The following RABGAP1L variants were observed in gnomAD, a reference collection of about 807,000 sequenced individuals.
The protein encoded by RABGAP1L is RAB GTPase activating protein 1 like, also known as rab GTPase-activating protein 1-like.
RABGAP1L carries 63 observed loss-of-function variants against 137.7 expected under a neutral mutation model. The observed-to-expected ratio is 0.46, with a 90% CI of 0.37 to 0.56. RABGAP1L has a LOEUF of 0.56. RABGAP1L is among the 20% of genes least tolerant of loss of function. RABGAP1L has a pLI of 0.00. For missense variants in RABGAP1L, 1,095 were observed against 1,244.0 expected (o/e 0.88, Z 1.80); for synonymous variants, 431 against 433.7 (o/e 0.99, Z 0.08).
At chr1:174,343,839 C>T (rs913127023) in intron 11 of RABGAP1L, among the ~76,000 whole-genome samples, 3 of 152,094 alleles carry the variant, frequency 2.0e-5, no homozygotes, top group Non-Finnish European at 4.4e-5. Flanking sequence ...TATAGATTTA[C>T]AGATCAAAAT....
At chr1:174,743,182 A>C (rs2148656928) in intron 17 of RABGAP1L, among the ~76,000 whole-genome samples, 1 of 152,354 alleles carries the variant, frequency 6.6e-6, no homozygotes, top group East Asian at 1.9e-4. Context: ...CTAGGGACTT[A>C]TATAGCAGGG....
In RABGAP1L at chr1:174,862,162, G is replaced by C. The variant is rs994956680; in HGVS notation, c.2340+50202G>C. On this transcript the variant is annotated intron_variant, in intron 19 of 25. Transcript: ENST00000681986. ...CCAGTTTCATTCTCTTGCATGTGGAGATCCAGTTTTTCCAGCACCGTTTAT... is the reference window on the plus strand; with the variant it reads ...CCAGTTTCATTCTCTTGCATGTGGACATCCAGTTTTTCCAGCACCGTTTAT... Among the ~76,000 whole-genome samples the C allele has an allele frequency of 9.2e-5, 14 of 152,138 alleles. No homozygotes were observed. In the East Asian group the frequency reaches 2.5e-3, roughly 27 times the overall value.
chr1:174,651,218 G>C (rs377357093), intron 14 of RABGAP1L, among the ~76,000 whole-genome samples: 3 of 151,610 alleles, frequency 2.0e-5, no homozygotes, highest in African/African-American at 7.3e-5. Flanking sequence ...TATAATTTCT[G>C]TTCTTTTACA....
At chr1:174,877,608 A>T (rs758996594) in intron 19 of RABGAP1L, 15 of 1,612,354 alleles carry the variant, frequency 9.3e-6, no homozygotes, top group Non-Finnish European at 1.3e-5. Context: ...GGTCTATGGT[A>T]GGTGGTGCCT....
At chr1:174,606,959 TA>T (rs1449234036) in intron 13 of RABGAP1L, among the ~76,000 whole-genome samples, 1 of 152,182 alleles carries the variant, frequency 6.6e-6, no homozygotes, top group African/African-American at 2.4e-5. Flanking sequence ...TAATCAAGAA[TA>T]AAACCCAAGT....
Position 174,607,841 on chromosome 1 carries a change from G to A in RABGAP1L, c.1711-29534G>A, listed in dbSNP as rs180989486. Among the ~76,000 whole-genome samples, 23 of 152,318 alleles carry A rather than the reference G, an allele frequency of 1.5e-4. No homozygotes were observed. In the East Asian group the frequency reaches 4.4e-3, roughly 29 times the overall value. ...CAAAATGTGTGTTTTAGAAACCTGT[G>A]TAAAAGCTTCTTTGGTTATTCTTTC... is the stretch of plus-strand genomic sequence containing the variant. On this transcript the variant is annotated intron_variant, in intron 13 of 25. Coordinates refer to ENST00000681986, the MANE Select transcript of RABGAP1L (RefSeq NM_001366446.1).
chr1:174,238,916 C>G (rs1457730531), intron 4 of RABGAP1L: 2 of 164,108 alleles, frequency 1.2e-5, no homozygotes, highest in African/African-American at 4.8e-5. Context: ...TAGCAATCAG[C>G]GAGATTCCGT....
intron 18 of RABGAP1L, among the ~76,000 whole-genome samples, chr1:174,769,613 C>G (rs1685952192): frequency 6.6e-6 from 1 of 152,054 alleles, no homozygotes; most frequent in African/African-American, 2.4e-5. Flanking sequence ...CTAAATGTTT[C>G]CCAAAGTTAG....
intron 7 of RABGAP1L, among the ~76,000 whole-genome samples, chr1:174,264,723 T>G (rs1369171120): frequency 6.6e-6 from 1 of 151,942 alleles, no homozygotes; most frequent in Non-Finnish European, 1.5e-5. Context: ...TTAAATCATA[T>G]TAGTTCTACT....
intron 17 of RABGAP1L, among the ~76,000 whole-genome samples, chr1:174,733,885 T>A (rs1682716795): frequency 6.6e-6 from 1 of 152,130 alleles, no homozygotes; most frequent in Admixed American, 6.6e-5. Context: ...GTTGTGTTAA[T>A]CCAGATCAGG....
At chr1:174,554,189 A>G (rs995387521) in intron 13 of RABGAP1L, among the ~76,000 whole-genome samples, 42 of 152,216 alleles carry the variant, frequency 2.8e-4, no homozygotes, top group African/African-American at 9.4e-4. Context: ...TTTTTCAAAT[A>G]TAAGTACTTT....
At chr1:174,796,971 C>T (rs1173411678) in intron 18 of RABGAP1L, among the ~76,000 whole-genome samples, 3 of 150,830 alleles carry the variant, frequency 2.0e-5, no homozygotes. Flanking sequence ...CACGCCACTG[C>T]ATTCCAGCCT....
In RABGAP1L at chr1:174,610,564, A is replaced by G. The variant is rs550238428; in HGVS notation, c.1711-26811A>G. Among the ~76,000 whole-genome samples the G allele has an allele frequency of 2.2e-4, 33 of 152,240 alleles. No individual in the cohort carries two copies. In the East Asian group the frequency reaches 6.4e-3, roughly 29 times the overall value. On this transcript the variant is annotated intron_variant, in intron 13 of 25. Transcript: ENST00000681986. ...GCATGATTTATAGTCCTTTGGGTAT[A>G]TACCCAGTAATGGGATGGCTGGGTC...
chr1:174,988,005 T>G (rs1011948275), intron 24 of RABGAP1L, among the ~76,000 whole-genome samples: 1 of 152,114 alleles, frequency 6.6e-6, no homozygotes, highest in African/African-American at 2.4e-5. Context: ...GAGACGAGGT[T>G]TCACCGTGTT....
chr1:174,318,624 C>CTTTCTT (rs1679643225), intron 11 of RABGAP1L, among the ~76,000 whole-genome samples: 2 of 134,694 alleles, frequency 1.5e-5, no homozygotes, highest in Non-Finnish European at 3.2e-5. Context: ...TTCTTTCTTT[C>CTTTCTT]TTTCTTTCTT....
At chr1:174,290,402 C>G (rs1024369736) in intron 10 of RABGAP1L, among the ~76,000 whole-genome samples, 4 of 152,210 alleles carry the variant, frequency 2.6e-5, no homozygotes, top group African/African-American at 9.7e-5. Flanking sequence ...GCAAATCTCT[C>G]TTGGCATGAG....
At chr1:174,462,563 T>G (rs1050081540) in intron 13 of RABGAP1L, among the ~76,000 whole-genome samples, 6 of 152,078 alleles carry the variant, frequency 3.9e-5, no homozygotes, top group Non-Finnish European at 8.8e-5. Flanking sequence ...GTTCAGGGGC[T>G]ATATGTGCAA....
intron 13 of RABGAP1L, among the ~76,000 whole-genome samples, chr1:174,527,206 T>TTTG (rs1201670256): frequency 1.3e-5 from 1 of 75,480 alleles, no homozygotes; most frequent in African/African-American, 7.6e-5. Flanking sequence ...TTTATTTTGT[T>TTTG]TTTTTTTTTT....
intron 13 of RABGAP1L, among the ~76,000 whole-genome samples, chr1:174,455,682 A>AT (rs1378579465): frequency 1.3e-5 from 2 of 152,134 alleles, no homozygotes; most frequent in Non-Finnish European, 2.9e-5. Context: ...CTTCACAATT[A>AT]TTCATTTACT....
Sources: allele counts gnomAD v4.1 joint callset (sites outside exome capture counted in the v4.1 genomes callset), GRCh38; gene constraint gnomAD v4.1.1; transcripts MANE v1.5; gene names NCBI Gene and HGNC (gene_info 2026-07-23, HGNC 2026-07-21).